Variants in GRIK3 observed in about 807,000 individuals in gnomAD.
The protein encoded by GRIK3 is glutamate receptor ionotropic, kainate 3.
In GRIK3, 29 loss-of-function variants were observed where a neutral mutation model predicts 102.5. That is an observed-to-expected ratio of 0.28 (90% CI 0.21 to 0.39). The LOEUF is 0.39. Among genes scored for constraint, GRIK3 ranks in the 10% least tolerant of loss-of-function variants. GRIK3 has a pLI of 1.00. For synonymous variants in GRIK3, 511 were observed against 504.9 expected (o/e 1.01, Z -0.16); for missense variants, 908 against 1,252.4 (o/e 0.73, Z 4.15).
intron 10 of GRIK3, among the ~76,000 whole-genome samples, chr1:36,829,728 C>A (rs1642795078): frequency 6.6e-6 from 1 of 152,168 alleles, no homozygotes; most frequent in Non-Finnish European, 1.5e-5. Context: ...CATGAGGTCA[C>A]CTGGCCCCCA....
At chr1:37,005,753 T>C (rs1229985456) in intron 1 of GRIK3, among the ~76,000 whole-genome samples, 4 of 152,168 alleles carry the variant, frequency 2.6e-5, no homozygotes, top group Non-Finnish European at 5.9e-5. Context: ...TACAATGTTC[T>C]AGTTACTCTT....
intron 1 of GRIK3, among the ~76,000 whole-genome samples, chr1:36,954,040 T>C (rs1641875435): frequency 6.6e-6 from 1 of 152,166 alleles, no homozygotes; most frequent in South Asian, 2.1e-4. Flanking sequence ...GGGAAACCGT[T>C]AGTCCTAAGA....
intron 11 of GRIK3, among the ~76,000 whole-genome samples, chr1:36,821,684 G>A (rs1642697149): frequency 6.6e-6 from 1 of 152,210 alleles, no homozygotes; most frequent in African/African-American, 2.4e-5. Flanking sequence ...ATCCTAGAAG[G>A]CAATGGGATT....
At chr1:36,942,934 C>T (rs1028220980) in intron 1 of GRIK3, among the ~76,000 whole-genome samples, 3 of 152,064 alleles carry the variant, frequency 2.0e-5, no homozygotes, top group African/African-American at 7.2e-5. Flanking sequence ...ATTGCAGACT[C>T]CCCCCACCTT....
chr1:36,957,851 CCG>C (rs10578203), intron 1 of GRIK3, among the ~76,000 whole-genome samples: 28,274 of 82,918 alleles, frequency 0.34, 6,509 homozygotes, highest in African/African-American at 0.5. Flanking sequence ...ACTCTGTGCC[CCG>C]TGAGTCTGTG....
chr1:36,834,921 C>T (rs1640354101), intron 10 of GRIK3, among the ~76,000 whole-genome samples: 1 of 152,202 alleles, frequency 6.6e-6, no homozygotes, highest in African/African-American at 2.4e-5. Flanking sequence ...CTGTCTGGGA[C>T]ATCTCTTCCT....
intron 1 of GRIK3, among the ~76,000 whole-genome samples, chr1:36,981,604 T>G (rs1478242723): frequency 6.6e-6 from 1 of 150,718 alleles, no homozygotes; most frequent in Non-Finnish European, 1.5e-5. Context: ...AACTAGGGAA[T>G]GCAGCCAGGC....
In GRIK3 at chr1:36,947,977, A is replaced by T. The variant is rs72919523; in HGVS notation, c.116-56881T>A. 7.8e-3 allele frequency among the ~76,000 whole-genome samples: 1,187 copies of T among 152,114 alleles called. 15 individuals carry two copies. The highest frequency in any genetic ancestry group is 0.048 in the South Asian group (231 of 4,806). The stretch of plus-strand genomic sequence containing the variant: ...TTTGCTGACTTGAGAAACTTGACTC[A>T]TCTCCAGGACCACCTCCTCCAAGCA... On this transcript the variant is annotated intron_variant, in intron 1 of 15. Coordinates refer to ENST00000373091, the MANE Select transcript of GRIK3 (RefSeq NM_000831.4).
intron 1 of GRIK3, among the ~76,000 whole-genome samples, chr1:36,974,310 T>G (rs1642173303): frequency 6.6e-6 from 1 of 152,234 alleles, no homozygotes; most frequent in South Asian, 2.1e-4. Context: ...CAGTTACTTT[T>G]GCACCAACTT....
At chr1:36,922,885 T>TCAAAGG (rs1320114674) in intron 1 of GRIK3, among the ~76,000 whole-genome samples, 9 of 151,988 alleles carry the variant, frequency 5.9e-5, no homozygotes, top group African/African-American at 1.9e-4. Flanking sequence ...AAAGCAATGA[T>TCAAAGG]CAAAGGCAAA....
intron 1 of GRIK3, among the ~76,000 whole-genome samples, chr1:36,893,967 C>T (rs1641145739): frequency 6.6e-6 from 1 of 152,028 alleles, no homozygotes; most frequent in Non-Finnish European, 1.5e-5. Context: ...ATTCTTAATG[C>T]CTTTCTATAT....
chr1:36,891,899 A>G lies in GRIK3; in HGVS notation c.116-803T>C, dbSNP rs75683258. Among the ~76,000 whole-genome samples, 107 of 152,390 alleles carry G rather than the reference A, an allele frequency of 7.0e-4. 2 individuals are homozygous for G. In the South Asian group the frequency reaches 8.7e-3, roughly 12 times the overall value. ...GCACAAATTAATAGTGTTTCTTCATATCAGTGACAATCAGTAAAAAAACTT... is the reference window on the plus strand; with the variant it reads ...GCACAAATTAATAGTGTTTCTTCATGTCAGTGACAATCAGTAAAAAAACTT... On this transcript the variant is annotated intron_variant, in intron 1 of 15. Coordinates refer to ENST00000373091, the MANE Select transcript of GRIK3 (RefSeq NM_000831.4).
chr1:37,028,474 C>G (rs1296040723), intron 1 of GRIK3, among the ~76,000 whole-genome samples: 3 of 152,132 alleles, frequency 2.0e-5, no homozygotes, highest in Non-Finnish European at 4.4e-5. Context: ...CCATCCACAC[C>G]TGGGCCCTGG....
At chr1:37,031,281 C>G (rs540173791) in intron 1 of GRIK3, among the ~76,000 whole-genome samples, 3 of 152,330 alleles carry the variant, frequency 2.0e-5, no homozygotes, top group South Asian at 4.1e-4. Context: ...TTCTCTCTCC[C>G]TTGCTCTCTC....
At chr1:36,917,707 A>G (rs1301984221) in intron 1 of GRIK3, among the ~76,000 whole-genome samples, 1 of 152,258 alleles carries the variant, frequency 6.6e-6, no homozygotes, top group East Asian at 1.9e-4. Context: ...CTGTAAGTCC[A>G]TTAAACCTCT....
At chr1:36,837,330 G>T (rs1278967775) in intron 10 of GRIK3, among the ~76,000 whole-genome samples, 1 of 152,126 alleles carries the variant, frequency 6.6e-6, no homozygotes, top group Non-Finnish European at 1.5e-5. Flanking sequence ...ATTTCTCCAG[G>T]GGGCTTTTGA....
At chr1:36,963,481 C>A (rs1302563660) in intron 1 of GRIK3, among the ~76,000 whole-genome samples, 5 of 152,176 alleles carry the variant, frequency 3.3e-5, no homozygotes. Flanking sequence ...CACGCACTTG[C>A]TGAGCTCCTT....
intron 1 of GRIK3, among the ~76,000 whole-genome samples, chr1:36,988,245 C>T (rs1642327263): frequency 6.6e-6 from 1 of 152,100 alleles, no homozygotes; most frequent in African/African-American, 2.4e-5. Flanking sequence ...GAGCCGAGGT[C>T]GCACCACTGC....
Position 36,800,351 on chromosome 1 carries a change from G to A in GRIK3, c.*1500C>T, listed in dbSNP as rs1269491938. On this transcript the variant is annotated 3_prime_UTR_variant, in exon 16 of 16. Transcript: ENST00000373091. ...GCTGGCCCATCATGTTCTCTTTAAG[G>A]ACACTTTGTTCCTAATCCTTCATGT... 11 of 152,192 alleles carry A rather than the reference G, an allele frequency of 7.2e-5. No individual in the cohort carries two copies. Among genetic ancestry groups the A allele is most frequent in the Admixed American group, 7.2e-4 (11 of 15,270 alleles). 9.4% of individuals were successfully genotyped at this position (152,192 alleles called of 1,614,324 possible).
Sources: allele counts gnomAD v4.1 joint callset (sites outside exome capture counted in the v4.1 genomes callset), GRCh38; gene constraint gnomAD v4.1.1; transcripts MANE v1.5; gene names NCBI Gene and HGNC (gene_info 2026-07-23, HGNC 2026-07-21).